Variants in PKIG observed in about 807,000 individuals in gnomAD.
PKIG encodes the protein cAMP-dependent protein kinase inhibitor gamma, also known as protein kinase (cAMP-dependent, catalytic) inhibitor gamma.
A neutral mutation model predicts 6.8 loss-of-function variants in PKIG; 1 was observed. The ratio of observed to expected loss-of-function variants is 0.15; its 90% CI spans 0.05 to 0.69. The LOEUF (loss-of-function observed/expected upper bound fraction) is 0.69, where lower values mean the gene tolerates loss of function less well. Ranked by LOEUF, PKIG falls within the 30% of genes least tolerant of loss-of-function variation. The pLI, the probability that PKIG is intolerant of heterozygous loss-of-function variation, is 0.82. For synonymous variants in PKIG, 39 were observed against 43.0 expected, an observed-to-expected ratio of 0.91 and a Z score of 0.36; for missense variants, 77 against 104.0, an observed-to-expected ratio of 0.74 and a Z score of 1.13.
chr20:44,553,192 T>C (rs2064684108), intron 1 of PKIG, among the ~76,000 whole-genome samples: 1 of 152,162 alleles, frequency 6.6e-6, no homozygotes, highest in African/African-American at 2.4e-5. Flanking sequence ...TTTTTGTGAT[T>C]TTCCAAAGTT....
At chr20:44,534,765 G>A (rs959942955) in intron 1 of PKIG, among the ~76,000 whole-genome samples, 1 of 152,064 alleles carries the variant, frequency 6.6e-6, no homozygotes, top group Non-Finnish European at 1.5e-5. Flanking sequence ...CACTGCGCCC[G>A]GCCTCATGCA....
chr20:44,598,102 T>A (rs2065090144), intron 2 of PKIG, among the ~76,000 whole-genome samples: 2 of 152,214 alleles, frequency 1.3e-5, no homozygotes, highest in African/African-American at 4.8e-5. Context: ...CCAGCACCGC[T>A]GAAGGCTGGC....
intron 1 of PKIG, among the ~76,000 whole-genome samples, chr20:44,542,569 A>G (rs1043411172): frequency 7.9e-5 from 12 of 151,872 alleles, no homozygotes; most frequent in Non-Finnish European, 1.8e-4. Flanking sequence ...TATAGTGGCC[A>G]TATTTTTTTT....
intron 1 of PKIG, among the ~76,000 whole-genome samples, chr20:44,554,388 A>T (rs1273184274): frequency 2.6e-5 from 4 of 152,276 alleles, no homozygotes; most frequent in South Asian, 2.1e-4. Flanking sequence ...GGCCTAAAAA[A>T]TTTTTTAATC....
At position 44,602,436 on chromosome 20, in the gene PKIG, T is replaced by C. The variant is rs79665968; in HGVS notation, c.-23-12098T>C. 6.2e-4 allele frequency among the ~76,000 whole-genome samples: 94 copies of C among 152,340 alleles called. No homozygotes were observed. The East Asian group carries it at 0.014, about 23-fold the overall frequency. ...AGTGCCTTTTTCTCTTTACACATTG[T>C]AAATATCTTTTTTAGTTTCCAGTAT... On this transcript the variant is annotated intron_variant, in intron 2 of 3. Transcript: ENST00000372886.
At chr20:44,589,013 T>A (rs940776627) in intron 1 of PKIG, among the ~76,000 whole-genome samples, 2 of 152,228 alleles carry the variant, frequency 1.3e-5, no homozygotes, top group African/African-American at 4.8e-5. Context: ...CAAAAGAGAA[T>A]AATTTTTTTC....
At chr20:44,563,919 C>T (rs546452584) in intron 1 of PKIG, among the ~76,000 whole-genome samples, 10 of 152,286 alleles carry the variant, frequency 6.6e-5, no homozygotes, top group African/African-American at 2.2e-4. Context: ...TCTAGCCTGA[C>T]ATTTGATTTT....
chr20:44,564,752 G>A (rs1219881700), intron 1 of PKIG, among the ~76,000 whole-genome samples: 3 of 152,052 alleles, frequency 2.0e-5, no homozygotes, highest in African/African-American at 7.2e-5. Context: ...TTTGTTGTTT[G>A]ATCCCAAGTC....
intron 1 of PKIG, among the ~76,000 whole-genome samples, chr20:44,574,420 T>G (rs932001525): frequency 1.3e-5 from 2 of 152,224 alleles, no homozygotes; most frequent in African/African-American, 4.8e-5. Flanking sequence ...AATCCTCATG[T>G]ACCACCCATT....
At chr20:44,568,892 A>G (rs1801946336) in intron 1 of PKIG, among the ~76,000 whole-genome samples, 1 of 152,198 alleles carries the variant, frequency 6.6e-6, no homozygotes, top group Non-Finnish European at 1.5e-5. Flanking sequence ...TCAGTTTTAC[A>G]GTTTTCTGAA....
At chr20:44,568,506 G>A (rs915934942) in intron 1 of PKIG, among the ~76,000 whole-genome samples, 4 of 150,990 alleles carry the variant, frequency 2.6e-5, no homozygotes, top group Admixed American at 6.6e-5. Context: ...TTACTCTGTC[G>A]CCTGGGCTGG....
intron 1 of PKIG, among the ~76,000 whole-genome samples, chr20:44,551,873 T>C (rs1018049313): frequency 2.6e-5 from 4 of 152,254 alleles, no homozygotes; most frequent in African/African-American, 9.6e-5. Context: ...AAACAAATAT[T>C]CATTTATTCT....
At chr20:44,618,247 A>T (rs745590982) in intron 3 of PKIG, 38 bp from the exon 4 acceptor site, 1 of 1,315,170 alleles carries the variant, frequency 7.6e-7, no homozygotes, top group Non-Finnish European at 1.1e-6. Context: ...TACTTTGTGT[A>T]TATGTGCCCA....
At position 44,574,763 on chromosome 20, in the gene PKIG, A is replaced by G. The variant is rs979604868; in HGVS notation, c.-240-7822A>G. ...TAATTTTTTTATTTTTAGTAGAGAC[A>G]GGGTTTCACCATATTAGGCTGGTCT... On this transcript the variant is annotated intron_variant, in intron 1 of 4. Coordinates refer to the PKIG transcript ENST00000372887. 2.6e-5 allele frequency among the ~76,000 whole-genome samples: 4 copies of G among 151,842 alleles called. No individual in the cohort carries two copies. The East Asian group carries it at 7.8e-4, about 30-fold the overall frequency.
chr20:44,555,371 ATTGT>A (rs1335308421), intron 1 of PKIG, among the ~76,000 whole-genome samples: 3 of 152,328 alleles, frequency 2.0e-5, no homozygotes, highest in East Asian at 1.9e-4. Context: ...TCTGACCAGA[ATTGT>A]TTGTTTGTCT....
At chr20:44,616,099 C>T (rs1178283831) in intron 3 of PKIG, among the ~76,000 whole-genome samples, 1 of 152,206 alleles carries the variant, frequency 6.6e-6, no homozygotes, top group Non-Finnish European at 1.5e-5. Flanking sequence ...TCAGAAGCCC[C>T]TGTGGGCCTT....
At chr20:44,617,639 A>C (rs2065278200) in intron 3 of PKIG, among the ~76,000 whole-genome samples, 1 of 151,994 alleles carries the variant, frequency 6.6e-6, no homozygotes. Flanking sequence ...GATGGATTTG[A>C]GAAGGAGGTA....
At chr20:44,546,920 C>G (rs1343515547) in intron 1 of PKIG, among the ~76,000 whole-genome samples, 1 of 152,080 alleles carries the variant, frequency 6.6e-6, no homozygotes, top group African/African-American at 2.4e-5. Flanking sequence ...TGGAATTTGT[C>G]CTGATGTTAT....
chr20:44,536,066 G>T (rs2064509652), intron 1 of PKIG, among the ~76,000 whole-genome samples: 1 of 152,214 alleles, frequency 6.6e-6, no homozygotes, highest in Non-Finnish European at 1.5e-5. Context: ...TGCATTATTT[G>T]TCTTTCTGTG....
Sources: allele counts gnomAD v4.1 joint callset (sites outside exome capture counted in the v4.1 genomes callset), GRCh38; gene constraint gnomAD v4.1.1; transcripts MANE v1.5; gene names NCBI Gene and HGNC (gene_info 2026-07-23, HGNC 2026-07-21).